Variants in RIMS2 observed in about 807,000 individuals in gnomAD.
RIMS2 encodes regulating synaptic membrane exocytosis 2.
A neutral mutation model predicts 174.4 loss-of-function variants in RIMS2; 59 were observed. The ratio of observed to expected loss-of-function variants is 0.34; its 90% CI spans 0.27 to 0.42. The LOEUF (loss-of-function observed/expected upper bound fraction) is 0.42, where lower values mean the gene tolerates loss of function less well. Ranked by LOEUF, RIMS2 falls within the 10% of genes least tolerant of loss-of-function variation. The probability of loss-of-function intolerance (pLI) is 1.00; values close to 1 mark genes in which losing one functional copy is unlikely to be tolerated. For missense variants in RIMS2, 1,620 were observed against 1,666.3 expected (o/e 0.97, Z 0.48); for synonymous variants, 606 against 572.5 (o/e 1.06, Z -0.84).
chr8:104,090,090 C>G (rs1308025162), intron 19 of RIMS2, among the ~76,000 whole-genome samples: 1 of 151,326 alleles, frequency 6.6e-6, no homozygotes, highest in African/African-American at 2.4e-5. Context: ...CACACACACA[C>G]AGAGCCCAAT....
intron 19 of RIMS2, among the ~76,000 whole-genome samples, chr8:104,140,942 A>T (rs990650062): frequency 2.0e-5 from 3 of 152,226 alleles, no homozygotes; most frequent in Non-Finnish European, 2.9e-5. Flanking sequence ...TTTTTGTAAG[A>T]TACATGTTAT....
At chr8:104,013,598 C>T (rs560765680) in exon 18 of RIMS2, 1 of 1,613,562 alleles carries the variant, frequency 6.2e-7, no homozygotes, top group South Asian at 1.1e-5. Context: ...GAAGATCTGC[C>T]CCTCCTTCAC....
intron 3 of RIMS2, among the ~76,000 whole-genome samples, chr8:103,829,402 G>A (rs1489095209): frequency 6.6e-6 from 1 of 152,022 alleles, no homozygotes; most frequent in Non-Finnish European, 1.5e-5. Flanking sequence ...TACCATAAAG[G>A]CACCTGCATG....
At chr8:103,581,229 C>T (rs1338033902) in intron 1 of RIMS2, among the ~76,000 whole-genome samples, 1 of 152,018 alleles carries the variant, frequency 6.6e-6, no homozygotes, top group Non-Finnish European at 1.5e-5. Flanking sequence ...GTAAAATGCT[C>T]AACAAAATAC....
At chr8:104,195,669 C>G (rs1428713621) in intron 19 of RIMS2, among the ~76,000 whole-genome samples, 1 of 152,056 alleles carries the variant, frequency 6.6e-6, no homozygotes, top group Non-Finnish European at 1.5e-5. Context: ...CACACGTCGC[C>G]ATGCCTGGCT....
intron 19 of RIMS2, chr8:104,093,633 A>G: frequency 6.3e-7 from 1 of 1,594,666 alleles, no homozygotes. Flanking sequence ...AGGAGGAAAC[A>G]AGAAAATCAG....
chr8:103,724,476 C>G (rs1350318165), intron 2 of RIMS2, among the ~76,000 whole-genome samples: 1 of 151,976 alleles, frequency 6.6e-6, no homozygotes, highest in Non-Finnish European at 1.5e-5. Flanking sequence ...AGATGTAAAA[C>G]CATTTAATTG....
At chr8:104,148,652 G>A (rs1436727410) in intron 19 of RIMS2, 1 of 1,598,068 alleles carries the variant, frequency 6.3e-7, no homozygotes, top group South Asian at 1.1e-5. Flanking sequence ...GCATATCAGG[G>A]AAGAACATGA....
At chr8:103,602,798 A>G (rs1011722421) in intron 1 of RIMS2, among the ~76,000 whole-genome samples, 4 of 152,122 alleles carry the variant, frequency 2.6e-5, no homozygotes, top group Non-Finnish European at 4.4e-5. Flanking sequence ...AGAGGAATTT[A>G]TATTAATTCT....
intron 19 of RIMS2, among the ~76,000 whole-genome samples, chr8:104,165,232 G>A (rs887037105): frequency 1.3e-5 from 2 of 152,140 alleles, no homozygotes; most frequent in African/African-American, 2.4e-5. Context: ...ACCAAGTGGT[G>A]TGCATTATTT....
intron 3 of RIMS2, among the ~76,000 whole-genome samples, chr8:103,874,034 G>T (rs979687918): frequency 6.6e-6 from 1 of 152,000 alleles, no homozygotes; most frequent in Non-Finnish European, 1.5e-5. Context: ...TTCAGGTGGG[G>T]ATTGATCCTG....
intron 1 of RIMS2, among the ~76,000 whole-genome samples, chr8:103,685,144 C>G (rs1444858000): frequency 2.1e-5 from 3 of 141,674 alleles, no homozygotes; most frequent in African/African-American, 7.9e-5. Flanking sequence ...TTATGTTAGT[C>G]TGTTTTGCAT....
chr8:103,624,837 G>GA (rs2095740538), intron 1 of RIMS2, among the ~76,000 whole-genome samples: 1 of 151,692 alleles, frequency 6.6e-6, no homozygotes, highest in Non-Finnish European at 1.5e-5. Flanking sequence ...ATACATATCT[G>GA]TATTTTCTGA....
At chr8:104,111,191 C>T (rs578230311) in intron 19 of RIMS2, among the ~76,000 whole-genome samples, 4 of 151,968 alleles carry the variant, frequency 2.6e-5, no homozygotes, top group Non-Finnish European at 5.9e-5. Context: ...CCAAGGAATA[C>T]AAGATGAGAT....
chr8:103,694,272 C>T (rs562306984), intron 1 of RIMS2, among the ~76,000 whole-genome samples: 36 of 152,156 alleles, frequency 2.4e-4, no homozygotes, highest in South Asian at 2.1e-4. Context: ...TGCAGTAGTA[C>T]GGGCCTCTGT....
intron 2 of RIMS2, among the ~76,000 whole-genome samples, chr8:103,737,465 G>A (rs762869174): frequency 4.0e-5 from 6 of 150,900 alleles, no homozygotes; most frequent in Non-Finnish European, 5.9e-5. Context: ...GGGATTATAG[G>A]AGTGAACCAC....
intron 19 of RIMS2, among the ~76,000 whole-genome samples, chr8:104,143,946 T>G (rs1225023040): frequency 1.3e-5 from 2 of 152,214 alleles, no homozygotes; most frequent in Non-Finnish European, 2.9e-5. Context: ...TGCTATTTAT[T>G]ATCTTTAAGC....
downstream of RIMS2, chr8:104,252,711 C>G (rs1262270136): frequency 1.3e-5 from 2 of 152,108 alleles, no homozygotes; most frequent in Non-Finnish European, 2.9e-5. Flanking sequence ...GAAATACTTT[C>G]TAGAAGATAC....
intron 1 of RIMS2, among the ~76,000 whole-genome samples, chr8:103,574,305 C>A (rs1432772212): frequency 6.6e-6 from 1 of 152,076 alleles, no homozygotes; most frequent in Non-Finnish European, 1.5e-5. Context: ...GTATGGAGTG[C>A]TTTTGCCATT....
Sources: gnomAD v4.1 joint callset for allele counts (sites outside exome capture counted in the v4.1 genomes callset) on GRCh38, gnomAD v4.1.1 for gene constraint, MANE v1.5 for transcripts, NCBI Gene and HGNC (gene_info 2026-07-23, HGNC 2026-07-21) for gene names.